The following PTPN2 variants were observed in gnomAD, a reference collection of about 807,000 sequenced individuals.
PTPN2 encodes the protein tyrosine-protein phosphatase non-receptor type 2.
A neutral mutation model predicts 57.3 loss-of-function variants in PTPN2; 19 were observed. The ratio of observed to expected loss-of-function variants is 0.33; its 90% confidence interval spans 0.23 to 0.49. The LOEUF (loss-of-function observed/expected upper bound fraction) is 0.49, where lower values mean the gene tolerates loss of function less well. Among genes scored for constraint, PTPN2 ranks in the 20% least tolerant of loss-of-function variants. The pLI, the probability that PTPN2 is intolerant of heterozygous loss-of-function variation, is 0.99. For synonymous variants in PTPN2, 153 were observed against 164.9 expected (o/e 0.93, Z 0.55); for missense variants, 358 against 501.1 (o/e 0.71, Z 2.73).
chr18:12,853,423 G>A (rs1005130472), intron 2 of PTPN2, among the ~76,000 whole-genome samples: 1 of 152,200 alleles, frequency 6.6e-6, no homozygotes, highest in Non-Finnish European at 1.5e-5. Context: ...TTATAAGCAT[G>A]AGCCACAGCA....
intron 1 of PTPN2, chr18:12,864,081 C>T (rs958544049): frequency 6.6e-6 from 1 of 151,840 alleles, no homozygotes; most frequent in Admixed American, 6.6e-5. Flanking sequence ...GGCCCTCATA[C>T]CAAATTGGCA....
At chr18:12,868,478 A>C (rs918841517) in intron 1 of PTPN2, among the ~76,000 whole-genome samples, 1 of 151,834 alleles carries the variant, frequency 6.6e-6, no homozygotes, top group Admixed American at 6.5e-5. Flanking sequence ...CTTGTCTTGA[A>C]CTACTGACCT....
chr18:12,880,121 G>A (rs1471263089), intron 1 of PTPN2, among the ~76,000 whole-genome samples: 1 of 152,202 alleles, frequency 6.6e-6, no homozygotes, highest in Admixed American at 6.5e-5. Flanking sequence ...GCCTGCCAAG[G>A]AAGTGAGACT....
chr18:12,815,123 A>C (rs1210567564), intron 6 of PTPN2, among the ~76,000 whole-genome samples: 1 of 120,800 alleles, frequency 8.3e-6, no homozygotes, highest in Non-Finnish European at 1.9e-5. Context: ...TAAATAAATA[A>C]ATAAATAAAT....
rs111528070 is a variant in PTPN2, at chr18:12,810,401, G to C, written c.858+3802C>G. On this transcript the variant is annotated intron_variant, in intron 7 of 8. Coordinates refer to ENST00000309660, the MANE Select transcript of PTPN2 (RefSeq NM_002828.4). ...CATTTTCCACACTTCACCGTTCCCA[G>C]ATATGGCTATTTTACTTAGCTGCAT... 1.8e-3 allele frequency among the ~76,000 whole-genome samples: 268 copies of C among 152,156 alleles called. 1 individual carries two copies. Among genetic ancestry groups the C allele is most frequent in the Middle Eastern group, 0.017 (5 of 292 alleles).
At chr18:12,850,396 G>A (rs544841980) in intron 2 of PTPN2, among the ~76,000 whole-genome samples, 43 of 152,038 alleles carry the variant, frequency 2.8e-4, no homozygotes, top group African/African-American at 1.0e-3. Context: ...GGCTGAGGCA[G>A]GAGAATTGCT....
chr18:12,785,755 T>C, exon 10 of PTPN2: 1 of 1,459,690 alleles, frequency 6.9e-7, no homozygotes, highest in South Asian at 1.1e-5. Flanking sequence ...CGGAGTGGGC[T>C]TCAGGTCTTG....
chr18:12,864,471 C>T (rs975577450), intron 1 of PTPN2, among the ~76,000 whole-genome samples: 6 of 152,102 alleles, frequency 3.9e-5, no homozygotes, highest in Admixed American at 3.3e-4. Context: ...TCTCGGCTCA[C>T]TGCAACCTCA....
At chr18:12,802,370 G>A (rs1245116508) in intron 7 of PTPN2, among the ~76,000 whole-genome samples, 1 of 152,108 alleles carries the variant, frequency 6.6e-6, no homozygotes, top group East Asian at 1.9e-4. Flanking sequence ...TAGTATTTAT[G>A]TACATGAGTA....
chr18:12,826,871 A>G (rs2042481349), intron 4 of PTPN2, among the ~76,000 whole-genome samples: 1 of 151,980 alleles, frequency 6.6e-6, no homozygotes, highest in Non-Finnish European at 1.5e-5. Flanking sequence ...GTCCGGTCTT[A>G]TAAGGTATTT....
At chr18:12,811,950 A>G (rs978245873) in intron 7 of PTPN2, among the ~76,000 whole-genome samples, 4 of 152,224 alleles carry the variant, frequency 2.6e-5, no homozygotes, top group Non-Finnish European at 4.4e-5. Flanking sequence ...CACTGAAGAA[A>G]GCTTTAAGCA....
intron 2 of PTPN2, among the ~76,000 whole-genome samples, chr18:12,843,723 C>T (rs1489903022): frequency 6.6e-6 from 1 of 152,230 alleles, no homozygotes; most frequent in African/African-American, 2.4e-5. Context: ...AGCCCCACTC[C>T]TAGCAATGCG....
At chr18:12,821,687 A>T (rs2042273709) in intron 5 of PTPN2, among the ~76,000 whole-genome samples, 1 of 152,184 alleles carries the variant, frequency 6.6e-6, no homozygotes, top group African/African-American at 2.4e-5. Context: ...ACCCCCACCA[A>T]GGAATTCACC....
rs2043148158 is a variant in PTPN2, at chr18:12,844,393, T to C, written c.161-7502A>G. Among the ~76,000 whole-genome samples, 3 of 152,328 alleles carry C rather than the reference T, an allele frequency of 2.0e-5. No homozygotes were observed. The South Asian group carries it at 6.2e-4, about 32-fold the overall frequency. On this transcript the variant is annotated intron_variant, in intron 2 of 8. Coordinates refer to ENST00000309660, the MANE Select transcript of PTPN2 (RefSeq NM_002828.4). The stretch of plus-strand genomic sequence containing the variant: ...TCCAGAGTGGCTATACCAGTTTACA[T>C]TCCCACCACCCATATATGAGATCCA...
intron 2 of PTPN2, among the ~76,000 whole-genome samples, chr18:12,856,181 AG>A (rs1457120805): frequency 1.3e-5 from 2 of 152,182 alleles, no homozygotes; most frequent in African/African-American, 4.8e-5. Context: ...GGTGGGAAGG[AG>A]AGGGTAAGGA....
chr18:12,836,899 T>C lies in PTPN2; in HGVS notation c.161-8A>G, dbSNP rs756448520. 7.1e-6 allele frequency: 11 copies of C among 1,539,456 alleles called. 1 individual carries two copies. In the South Asian group the frequency reaches 9.0e-5, roughly 13 times the overall value. ...TAACACGACTGTGATCATCTGAAAA[T>C]AGAGAATGATAAACCACAACTGTCA... On this transcript the variant is annotated splice_polypyrimidine_tract_variant and splice_region_variant and intron_variant, in intron 2 of 8. Transcript: ENST00000309660.
Position 12,870,341 on chromosome 18 carries a change from A to G in PTPN2, c.70-11087T>C, listed in dbSNP as rs9959282. 1.3e-4 allele frequency among the ~76,000 whole-genome samples: 5 copies of G among 37,572 alleles called. 1 individual carries two copies. The highest frequency in any genetic ancestry group is 4.2e-4 in the African/African-American group (3 of 7,064). The allele number at this position is 37,572 out of a possible 152,430, so 24.6% of individuals were successfully genotyped here. A position where few individuals can be genotyped will look rare whatever the true frequency, so the allele number is the denominator to read the frequency against. ...TATGTGTATATATATGTATATATAT[A>G]CATATATATGTGTATATATATGTGT... On this transcript the variant is annotated intron_variant, in intron 1 of 8. Coordinates refer to ENST00000309660, the MANE Select transcript of PTPN2 (RefSeq NM_002828.4).
At chr18:12,817,993 T>C (rs1424709643) in intron 5 of PTPN2, among the ~76,000 whole-genome samples, 1 of 152,114 alleles carries the variant, frequency 6.6e-6, no homozygotes, top group Non-Finnish European at 1.5e-5. Context: ...ATACAAAAAA[T>C]TAGCCAGGCG....
chr18:12,818,106 C>T (rs1222692407), intron 5 of PTPN2, among the ~76,000 whole-genome samples: 1 of 152,094 alleles, frequency 6.6e-6, no homozygotes, highest in East Asian at 1.9e-4. Flanking sequence ...CGTGCCATTG[C>T]ACGCCAGCTT....
Sources: allele counts gnomAD v4.1 joint callset (sites outside exome capture counted in the v4.1 genomes callset), GRCh38; gene constraint gnomAD v4.1.1; transcripts MANE v1.5; gene names NCBI Gene and HGNC (gene_info 2026-07-23, HGNC 2026-07-21).